Variants in LIG3 observed in about 807,000 individuals in gnomAD.
LIG3 encodes ligase II, DNA, ATP-dependent.
LIG3 carries 58 observed loss-of-function variants against 110.9 expected under a neutral mutation model. That is an observed-to-expected ratio of 0.52 (90% CI 0.42 to 0.65). The LOEUF is 0.65. Ranked by LOEUF, LIG3 falls within the 30% of genes least tolerant of loss-of-function variation. LIG3 has a pLI of 0.00. For synonymous variants in LIG3, 422 were observed against 472.8 expected, an observed-to-expected ratio of 0.89 and a Z score of 1.39; for missense variants, 1,094 against 1,273.8, an observed-to-expected ratio of 0.86 and a Z score of 2.15.
intron 14 of LIG3, 169 bp downstream of exon 14, chr17:34,998,896 A>C (rs2090809748): frequency 2.8e-6 from 2 of 709,798 alleles, no homozygotes; most frequent in Non-Finnish European, 4.5e-6. Flanking sequence ...AGAGCTGCTT[A>C]CTCGGTTAGG....
chr17:35,001,014 C>T (rs1470039325), intron 16 of LIG3, among the ~76,000 whole-genome samples: 1 of 152,144 alleles, frequency 6.6e-6, no homozygotes. Flanking sequence ...AAGCGATTCT[C>T]ATACCTCAGC....
In LIG3 at chr17:34,984,781, C is replaced by CT. The variant is rs35202391; in HGVS notation, c.548-1193dup. ...CATTGTCATGGGGTATCTGTTTCTT[C>CT]TTTTTTTTTTTTTTGAGACAGAGTC... On this transcript the variant is annotated intron_variant, in intron 2 of 19. Transcript: ENST00000378526. Among the ~76,000 whole-genome samples, 481 of 139,060 alleles carry CT rather than the reference C, an allele frequency of 3.5e-3. 2 individuals carry two copies. Among genetic ancestry groups the CT allele is most frequent in the Middle Eastern group, 7.5e-3 (2 of 266 alleles). The allele number at this position is 139,060 out of a possible 152,430, so 91.2% of individuals were successfully genotyped here.
At chr17:34,986,259 C>A in intron 3 of LIG3, 128 bp downstream of exon 3, 1 of 916,002 alleles carries the variant, frequency 1.1e-6, no homozygotes, top group Non-Finnish European at 1.7e-6. Context: ...TCTGTCTGAG[C>A]AGAGACTGGT....
intron 1 of LIG3, among the ~76,000 whole-genome samples, chr17:34,981,736 T>C (rs1245815937): frequency 6.6e-6 from 1 of 152,252 alleles, no homozygotes; most frequent in East Asian, 1.9e-4. Context: ...CTGCTTTTTA[T>C]TATAACGTGA....
intron 19 of LIG3, 23 bp downstream of exon 19, chr17:35,002,812 A>T: frequency 2.5e-6 from 4 of 1,581,210 alleles, no homozygotes; most frequent in Non-Finnish European, 3.4e-6. Flanking sequence ...ACAGCAACAC[A>T]CCACGTGGGC....
At position 34,989,564 on chromosome 17, in the gene LIG3, C is replaced by A. The variant is rs141255794; in HGVS notation, c.790C>A (p.Arg264=). The change falls in exon 4 of 20, where the codon CGG becomes AGG. Residue 264 remains arginine, a synonymous_variant. Transcript: ENST00000378526. ...CCCCAGGCATAAGGACTGTCTGCTA[C>A]GGGAGTTTCGAAAGTTATGCGCCAT... is the stretch of plus-strand genomic sequence containing the variant. ...CDPRHKDCLL[R]EFRKLCAMVA... is the part of the protein sequence containing the mutation. 1.2e-6 allele frequency: 2 copies of A among 1,614,072 alleles called. No individual in the cohort carries two copies. Among genetic ancestry groups the A allele is most frequent in the Non-Finnish European group, 1.7e-6 (2 of 1,180,024 alleles).
chr17:34,989,335 T>A, intron 3 of LIG3, 131 bp from the exon 4 acceptor site: 1 of 789,730 alleles, frequency 1.3e-6, no homozygotes, highest in Non-Finnish European at 2.0e-6. Context: ...TATAATGACA[T>A]CTACCCCAAA....
Position 35,001,202 on chromosome 17 carries a change from G to A in LIG3, c.2332-55G>A, listed in dbSNP as rs145620705. The A allele has an allele frequency of 3.5e-3, 5,505 of 1,581,776 alleles. 15 individuals carry two copies. The highest frequency in any genetic ancestry group is 4.1e-3 in the Non-Finnish European group (4,676 of 1,153,406). On this transcript the variant is annotated intron_variant, in intron 16 of 19. Transcript: ENST00000378526. ...ATTACAGGCTTGAGCCACCACGCCC[G>A]GCCACTGATACTATCTTCTTAACCA...
At chr17:34,981,257 T>C (rs1363901607) in intron 1 of LIG3, 2 of 152,318 alleles carry the variant, frequency 1.3e-5, no homozygotes, top group Non-Finnish European at 2.9e-5. Context: ...CCTTTCATTA[T>C]TGGGGCCCTA....
Position 35,008,945 on chromosome 17 carries a change from T to C in LIG3, c.*4439T>C, listed in dbSNP as rs988380788. On this transcript the variant is annotated 3_prime_UTR_variant, in exon 20 of 20. Transcript: ENST00000378526. ...CGCACCCGGCCCTTGTTTGTTTTTTTAAGTAGAGACAAGGTCTCACTACAT... is the reference window on the plus strand; with the variant it reads ...CGCACCCGGCCCTTGTTTGTTTTTTCAAGTAGAGACAAGGTCTCACTACAT... 1 of 152,286 alleles carries C rather than the reference T, an allele frequency of 6.6e-6. No homozygotes were observed. The highest frequency in any genetic ancestry group is 2.4e-5 in the African/African-American group (1 of 41,452). The allele number at this position is 152,286 out of a possible 1,614,324, so 9.4% of individuals were successfully genotyped here.
In LIG3 at chr17:35,007,542, G is replaced by A. The variant is rs1443181551; in HGVS notation, c.*3036G>A. The A allele has an allele frequency of 1.3e-5, 2 of 152,220 alleles. No individual in the cohort carries two copies. The highest frequency in any genetic ancestry group is 2.9e-5 in the Non-Finnish European group (2 of 68,086). 9.4% of individuals were successfully genotyped at this position (152,220 alleles called of 1,614,324 possible). A position where few individuals can be genotyped will look rare whatever the true frequency, so the allele number is the denominator to read the frequency against. On this transcript the variant is annotated 3_prime_UTR_variant, in exon 20 of 20. Transcript: ENST00000378526. ...CCTAGGGCAATGTGAGCAAAGTGTT[G>A]TGGCTCATCCTCGATCCTTTATGCC...
intron 3 of LIG3, among the ~76,000 whole-genome samples, chr17:34,986,673 G>A (rs1054353081): frequency 4.6e-5 from 7 of 152,144 alleles, no homozygotes; most frequent in Admixed American, 1.3e-4. Context: ...CTATCGCAGC[G>A]GAAAGATTTG....
Position 34,991,069 on chromosome 17 carries a change from C to T in LIG3, c.996C>T (p.Arg332=). The change falls in exon 5 of 20, where the codon CGC becomes CGT. Residue 332 remains arginine, a synonymous_variant. Transcript: ENST00000378526. ...NDKQIVKLFS[R]IFNCNPDDMA... ...AGCAGATTGTGAAGCTTTTCAGTCG[C>T]ATTTTTAACTGCAACCCAGATGATA... 4.3e-6 allele frequency: 7 copies of T among 1,614,152 alleles called. No individual in the cohort carries two copies. Among genetic ancestry groups the T allele is most frequent in the Non-Finnish European group, 5.9e-6 (7 of 1,180,024 alleles).
At chr17:35,000,607 AC>A (rs1256248008) in intron 16 of LIG3, among the ~76,000 whole-genome samples, 2 of 104,250 alleles carry the variant, frequency 1.9e-5, no homozygotes, top group Non-Finnish European at 3.8e-5. Flanking sequence ...GTTGGGAGAT[AC>A]TTTTTTTTTT....
chr17:34,986,663 C>G (rs1597791079), intron 3 of LIG3, among the ~76,000 whole-genome samples: 1 of 152,212 alleles, frequency 6.6e-6, no homozygotes, highest in East Asian at 1.9e-4. Context: ...ACTTTAACCT[C>G]TATCGCAGCG....
At chr17:34,994,560 A>C (rs922116636) in intron 9 of LIG3, 129 bp downstream of exon 9, 12 of 960,234 alleles carry the variant, frequency 1.2e-5, no homozygotes, top group Middle Eastern at 4.9e-4. Flanking sequence ...TGTTGAATGA[A>C]TTAATTCATT....
Position 34,989,543 on chromosome 17 carries a change from A to T in LIG3, c.769A>T (p.Arg257Trp), listed in dbSNP as rs754802235. The change falls in exon 4 of 20, where the codon AGG (arginine) becomes TGG (tryptophan). Residue 257 changes from arginine to tryptophan, a missense_variant. By Grantham distance (101) the Arg-to-Trp change is moderately radical. Coordinates refer to ENST00000378526, the MANE Select transcript of LIG3 (RefSeq NM_013975.4). ...TCTGTCTTCAAGCAAATGTGACCCC[A>T]GGCATAAGGACTGTCTGCTACGGGA... ...RSLSSSKCDPRHKDCLLREFR... is the reference protein window; with the variant it reads ...RSLSSSKCDPWHKDCLLREFR... The T allele has an allele frequency of 5.6e-6, 9 of 1,614,060 alleles. No homozygotes were observed. The highest frequency in any genetic ancestry group is 5.1e-6 in the Non-Finnish European group (6 of 1,180,028).
intron 2 of LIG3, 75 bp downstream of exon 2, chr17:34,983,627 T>C: frequency 1.5e-6 from 2 of 1,373,712 alleles, no homozygotes; most frequent in Non-Finnish European, 2.0e-6. Flanking sequence ...ACTGCTTTCT[T>C]TCTCTTTTTT....
Position 34,997,842 on chromosome 17 carries a change from T to C in LIG3, c.1911+17T>C, listed in dbSNP as rs1395765955. 2 of 1,591,818 alleles carry C rather than the reference T, an allele frequency of 1.3e-6. No individual in the cohort carries two copies. Among genetic ancestry groups the C allele is most frequent in the Non-Finnish European group, 1.7e-6 (2 of 1,159,694 alleles). Reference sequence around the variant, plus strand: ...CGAGTCACAGTAAGTGAAGACCCTATGCTAGGCAGTGTCCTAGAAGTTTGA... The same window carrying C: ...CGAGTCACAGTAAGTGAAGACCCTACGCTAGGCAGTGTCCTAGAAGTTTGA... On this transcript the variant is annotated intron_variant, in intron 12 of 19. Coordinates refer to ENST00000378526, the MANE Select transcript of LIG3 (RefSeq NM_013975.4).
Sources: gnomAD v4.1 joint callset for allele counts (sites outside exome capture counted in the v4.1 genomes callset) on GRCh38, gnomAD v4.1.1 for gene constraint, MANE v1.5 for transcripts, NCBI Gene and HGNC (gene_info 2026-07-23, HGNC 2026-07-21) for gene names.